The following THUMPD2 variants were observed in gnomAD, a reference collection of about 807,000 sequenced individuals.
THUMPD2 encodes the protein THUMP domain 2 tRNA and snRNA guanosine methyltransferase.
In THUMPD2, 56 loss-of-function variants were observed where a neutral mutation model predicts 49.4. The ratio of observed to expected loss-of-function variants is 1.13; its 90% CI spans 0.91 to 1.41. The LOEUF (loss-of-function observed/expected upper bound fraction) is 1.41. Ranked by LOEUF, THUMPD2 falls within the 40% of genes most tolerant of loss-of-function variation. THUMPD2 has a pLI of 0.00. For missense variants in THUMPD2, 709 were observed against 594.5 expected (o/e 1.19, Z -2.00); for synonymous variants, 237 against 205.2 (o/e 1.15, Z -1.32).
At chr2:39,766,675 A>G (rs1010036878) in intron 4 of THUMPD2, among the ~76,000 whole-genome samples, 9 of 152,188 alleles carry the variant, frequency 5.9e-5, no homozygotes, top group Admixed American at 2.6e-4. Context: ...TAAATTTTAA[A>G]AGCTAGAATC....
chr2:39,739,166 G>GCTAA (rs974482497), intron 9 of THUMPD2, among the ~76,000 whole-genome samples: 2 of 152,018 alleles, frequency 1.3e-5, no homozygotes, highest in African/African-American at 2.4e-5. Context: ...TAAATTCTTT[G>GCTAA]CTAACTCCTC....
intron 8 of THUMPD2, among the ~76,000 whole-genome samples, chr2:39,745,342 G>GCAT (rs2148195506): frequency 6.6e-6 from 1 of 152,246 alleles, no homozygotes; most frequent in Non-Finnish European, 1.5e-5. Context: ...ATGACTACTT[G>GCAT]CTAGATCTCT....
chr2:39,768,817 T>C (rs763804301), intron 3 of THUMPD2: 1 of 1,036,066 alleles, frequency 9.7e-7, no homozygotes, highest in East Asian at 4.8e-5. Flanking sequence ...TTTCAGGAAA[T>C]AGATGCAAGC....
At chr2:39,762,960 T>A (rs140315484) in intron 5 of THUMPD2, among the ~76,000 whole-genome samples, 89 of 152,142 alleles carry the variant, frequency 5.8e-4, no homozygotes, top group African/African-American at 2.1e-3. Context: ...CAAAAGTGAA[T>A]GTTCACATTT....
At chr2:39,778,799 T>C (rs1156391091) in intron 1 of THUMPD2, among the ~76,000 whole-genome samples, 3 of 152,230 alleles carry the variant, frequency 2.0e-5, no homozygotes, top group Non-Finnish European at 4.4e-5. Context: ...GGGTTCTAAC[T>C]CTGACAGGCC....
intron 1 of THUMPD2, among the ~76,000 whole-genome samples, chr2:39,772,413 GC>G (rs1678456402): frequency 6.6e-6 from 1 of 152,290 alleles, no homozygotes; most frequent in African/African-American, 2.4e-5. Context: ...TCCAGAAGAG[GC>G]ATAAAGGACT....
intron 9 of THUMPD2, among the ~76,000 whole-genome samples, chr2:39,738,638 A>AAT (rs1469436240): frequency 2.5e-5 from 2 of 81,430 alleles, no homozygotes; most frequent in Non-Finnish European, 4.2e-5. Flanking sequence ...TTTACATATA[A>AAT]ATACATAATT....
At chr2:39,747,957 CAGG>C (rs1674829290) in intron 8 of THUMPD2, among the ~76,000 whole-genome samples, 1 of 152,114 alleles carries the variant, frequency 6.6e-6, no homozygotes, top group Admixed American at 6.5e-5. Context: ...GGAAAGTCAT[CAGG>C]AGATTCTTTC....
chr2:39,776,479 C>T (rs1361040559), intron 1 of THUMPD2, among the ~76,000 whole-genome samples: 8 of 151,680 alleles, frequency 5.3e-5, no homozygotes, highest in Middle Eastern at 3.4e-3. Context: ...CTGCAACCTC[C>T]GCCTCCAAGG....
chr2:39,752,390 C>CT (rs1675527276), intron 8 of THUMPD2, among the ~76,000 whole-genome samples: 1 of 152,156 alleles, frequency 6.6e-6, no homozygotes, highest in African/African-American at 2.4e-5. Context: ...GGTAAGTGTT[C>CT]TTAATTCCTA....
chr2:39,749,973 C>T (rs1675173229), intron 8 of THUMPD2, among the ~76,000 whole-genome samples: 1 of 152,152 alleles, frequency 6.6e-6, no homozygotes, highest in South Asian at 2.1e-4. Context: ...TATATATGTA[C>T]TATATTTTCT....
chr2:39,755,091 G>A (rs1057092715), intron 8 of THUMPD2, among the ~76,000 whole-genome samples: 4 of 151,538 alleles, frequency 2.6e-5, no homozygotes, highest in Admixed American at 1.3e-4. Flanking sequence ...ACATGCTTAC[G>A]AAAACTATAG....
At chr2:39,741,096 G>A (rs900557218) in intron 9 of THUMPD2, among the ~76,000 whole-genome samples, 1 of 152,096 alleles carries the variant, frequency 6.6e-6, no homozygotes, top group African/African-American at 2.4e-5. Flanking sequence ...TAGTGTATCA[G>A]TGATGATAAT....
At chr2:39,738,590 T>A (rs946864068) in intron 9 of THUMPD2, among the ~76,000 whole-genome samples, 23 of 99,384 alleles carry the variant, frequency 2.3e-4, no homozygotes, top group African/African-American at 1.1e-3. Context: ...TTTACACACA[T>A]ACATATGTAA....
At chr2:39,771,015 C>T (rs1008075231) in intron 2 of THUMPD2, among the ~76,000 whole-genome samples, 4 of 55,508 alleles carry the variant, frequency 7.2e-5, no homozygotes, top group Non-Finnish European at 1.9e-4. Flanking sequence ...TCTCTTATGC[C>T]CCCTTTACCT....
Position 39,771,588 on chromosome 2 carries a change from A to G in THUMPD2, c.179T>C (p.Met60Thr). 1 of 1,606,248 alleles carries G rather than the reference A, an allele frequency of 6.2e-7. No individual in the cohort carries two copies. ...TTCTGCAGATTTTAATTTCTTCAAC[A>G]TATTCAAATCAGAACAGGTGGTGAA... ...VFFTTCSDLN[M>T]LKKLKSAERL... The change falls in exon 2 of 10, where the codon ATG becomes ACG. Residue 60 changes from methionine to threonine, a missense_variant. Physicochemically the swap from Met to Thr is moderately conservative, Grantham distance 81. Coordinates refer to ENST00000505747, the MANE Select transcript of THUMPD2 (RefSeq NM_025264.5).
chr2:39,760,643 T>C lies in THUMPD2; in HGVS notation c.891+688A>G, dbSNP rs74726064. On this transcript the variant is annotated intron_variant, in intron 6 of 9. Coordinates refer to ENST00000505747, the MANE Select transcript of THUMPD2 (RefSeq NM_025264.5). Reference sequence around the variant, plus strand: ...ATGTGTTTGTAAAAAATATGTAAAGTTGAAAAAAAAGCAGTGGCAAAGAAA... The same window carrying C: ...ATGTGTTTGTAAAAAATATGTAAAGCTGAAAAAAAAGCAGTGGCAAAGAAA... Among the ~76,000 whole-genome samples the C allele has an allele frequency of 4.8e-3, 726 of 151,780 alleles. 2 individuals carry two copies. The highest frequency in any genetic ancestry group is 0.014 in the African/African-American group (562 of 41,388).
intron 9 of THUMPD2, among the ~76,000 whole-genome samples, chr2:39,742,030 C>T (rs540945829): frequency 9.2e-5 from 14 of 152,118 alleles, no homozygotes; most frequent in African/African-American, 3.4e-4. Context: ...CAGAACAATG[C>T]CATTAAGTGG....
intron 6 of THUMPD2, among the ~76,000 whole-genome samples, chr2:39,760,265 A>G (rs968751431): frequency 6.6e-6 from 1 of 152,136 alleles, no homozygotes; most frequent in African/African-American, 2.4e-5. Context: ...GACAGGGAAG[A>G]GGGGGAAGTT....
Sources: allele counts gnomAD v4.1 joint callset (sites outside exome capture counted in the v4.1 genomes callset), GRCh38; gene constraint gnomAD v4.1.1; transcripts MANE v1.5; gene names NCBI Gene and HGNC (gene_info 2026-07-23, HGNC 2026-07-21).